The following ARHGAP42 variants were observed in gnomAD, a reference collection of about 807,000 sequenced individuals.
ARHGAP42 encodes the protein rho GTPase-activating protein 42.
Under a neutral mutation model 125.0 loss-of-function variants are expected in ARHGAP42, and 63 were observed. The ratio of observed to expected loss-of-function variants is 0.50; its 90% CI spans 0.41 to 0.62. ARHGAP42 has a LOEUF of 0.62. Among genes scored for constraint, ARHGAP42 ranks in the 20% least tolerant of loss-of-function variants. ARHGAP42 has a pLI of 0.00. For missense variants in ARHGAP42, 766 were observed against 1,024.2 expected (o/e 0.75, Z 3.44); for synonymous variants, 339 against 351.0 (o/e 0.97, Z 0.38).
intron 1 of ARHGAP42, among the ~76,000 whole-genome samples, chr11:100,701,220 C>G (rs2120203820): frequency 6.6e-6 from 1 of 150,998 alleles, no homozygotes; most frequent in Middle Eastern, 3.4e-3. Flanking sequence ...AGTGTACTGT[C>G]ATTCAGGCTT....
intron 3 of ARHGAP42, among the ~76,000 whole-genome samples, chr11:100,819,660 G>A (rs559891021): frequency 1.4e-4 from 22 of 152,166 alleles, no homozygotes; most frequent in African/African-American, 4.3e-4. Context: ...TAATAGCACC[G>A]ATTTAAGGTT....
intron 9 of ARHGAP42, 72 bp downstream of exon 9, chr11:100,941,956 A>G: frequency 8.8e-7 from 1 of 1,138,720 alleles, no homozygotes; most frequent in South Asian, 1.5e-5. Flanking sequence ...AAACAAAAAA[A>G]TCACATTTGT....
chr11:100,815,333 G>A (rs897790734), intron 3 of ARHGAP42, among the ~76,000 whole-genome samples: 11 of 152,102 alleles, frequency 7.2e-5, no homozygotes, highest in Non-Finnish European at 5.9e-5. Flanking sequence ...CATGTTGATA[G>A]TCATTTATGT....
At chr11:100,984,213 G>A (rs1159181270) in intron 22 of ARHGAP42, among the ~76,000 whole-genome samples, 3 of 151,632 alleles carry the variant, frequency 2.0e-5, no homozygotes, top group Non-Finnish European at 4.4e-5. Context: ...GCAATTTAGG[G>A]TTCTTGCCAA....
At chr11:100,801,519 GA>G (rs1199713623) in intron 3 of ARHGAP42, among the ~76,000 whole-genome samples, 2 of 152,160 alleles carry the variant, frequency 1.3e-5, no homozygotes, top group African/African-American at 4.8e-5. Context: ...ACTATTTGCA[GA>G]AAAGAGCCCA....
chr11:100,932,178 C>T (rs746095895), intron 6 of ARHGAP42, among the ~76,000 whole-genome samples: 7 of 152,144 alleles, frequency 4.6e-5, no homozygotes, highest in Non-Finnish European at 7.4e-5. Flanking sequence ...CCAGTTGATG[C>T]TTAGCTGAAT....
At chr11:100,742,583 A>G (rs1221692586) in intron 1 of ARHGAP42, among the ~76,000 whole-genome samples, 1 of 152,202 alleles carries the variant, frequency 6.6e-6, no homozygotes, top group Non-Finnish European at 1.5e-5. Flanking sequence ...CGTGCCAGGC[A>G]TTCTGCTGAT....
At chr11:100,698,313 A>C (rs1210527999) in intron 1 of ARHGAP42, among the ~76,000 whole-genome samples, 1 of 152,122 alleles carries the variant, frequency 6.6e-6, no homozygotes, top group Non-Finnish European at 1.5e-5. Context: ...CCTATAGAAA[A>C]AAAGAAAATT....
chr11:100,903,878 C>A (rs111394852), intron 4 of ARHGAP42, among the ~76,000 whole-genome samples: 3 of 151,350 alleles, frequency 2.0e-5, no homozygotes, highest in African/African-American at 7.3e-5. Flanking sequence ...ACTTGGAATC[C>A]GATGTTCGAG....
chr11:100,959,757 A>G (rs1238695540), intron 12 of ARHGAP42, 126 bp from the exon 13 acceptor site: 2 of 846,082 alleles, frequency 2.4e-6, no homozygotes, highest in Admixed American at 5.0e-5. Context: ...CTCTAACCAA[A>G]ATATTTGGAA....
intron 4 of ARHGAP42, among the ~76,000 whole-genome samples, chr11:100,879,073 G>A (rs895348318): frequency 1.3e-5 from 2 of 150,770 alleles, no homozygotes. Flanking sequence ...AATTAATAAT[G>A]CCTCAAAAAA....
rs1443768397 is a variant in ARHGAP42 at position 100,976,821 on chromosome 11, A to G, written c.2243A>G (p.Lys748Arg). The G allele has an allele frequency of 6.5e-7, 1 of 1,549,986 alleles. No individual in the cohort carries two copies. The highest frequency in any genetic ancestry group is 2.4e-5 in the East Asian group (1 of 40,902). Residue 748 changes from lysine (K) to arginine (R), a missense_variant, in exon 21 of 24, where the codon AAG (lysine) becomes AGG (arginine). Coordinates refer to ENST00000298815, the MANE Select transcript of ARHGAP42 (RefSeq NM_152432.4). ...TCTTGGGCTTTCTTTTTAGGAAACA[A>G]GAGCTACAGTGGATCTATTCAAAGC... is the stretch of plus-strand genomic sequence containing the variant. ...LRSISAAEGN[K>R]SYSGSIQSLT...
intron 4 of ARHGAP42, among the ~76,000 whole-genome samples, chr11:100,866,373 T>C (rs2043578926): frequency 6.6e-6 from 1 of 152,206 alleles, no homozygotes; most frequent in Non-Finnish European, 1.5e-5. Context: ...CAATGGCTTC[T>C]AGAATGTTGA....
At chr11:100,845,001 C>A (rs1390809592) in intron 3 of ARHGAP42, among the ~76,000 whole-genome samples, 1 of 152,044 alleles carries the variant, frequency 6.6e-6, no homozygotes. Context: ...ATGTTCATAG[C>A]AGCACAATTA....
intron 4 of ARHGAP42, among the ~76,000 whole-genome samples, chr11:100,895,820 A>G (rs1866342548): frequency 6.6e-6 from 1 of 151,872 alleles, no homozygotes; most frequent in East Asian, 1.9e-4. Flanking sequence ...AGCTCTGTCA[A>G]ATGGGTGTTC....
At chr11:100,890,206 A>G (rs1471648813) in intron 4 of ARHGAP42, among the ~76,000 whole-genome samples, 1 of 152,100 alleles carries the variant, frequency 6.6e-6, no homozygotes, top group Non-Finnish European at 1.5e-5. Context: ...CTGCCTCTCG[A>G]GATGTCCCTC....
chr11:100,896,035 C>A (rs950997202), intron 4 of ARHGAP42, among the ~76,000 whole-genome samples: 1 of 152,052 alleles, frequency 6.6e-6, no homozygotes, highest in Non-Finnish European at 1.5e-5. Context: ...ATGTACCCTG[C>A]CCTGTGTCCA....
chr11:100,848,662 C>T (rs1865128815), intron 3 of ARHGAP42, among the ~76,000 whole-genome samples: 1 of 152,010 alleles, frequency 6.6e-6, no homozygotes, highest in South Asian at 2.1e-4. Flanking sequence ...CACCACCACA[C>T]CTGGCTATTT....
intron 1 of ARHGAP42, among the ~76,000 whole-genome samples, chr11:100,691,401 T>G (rs1861186980): frequency 6.6e-6 from 1 of 152,190 alleles, no homozygotes; most frequent in Non-Finnish European, 1.5e-5. Flanking sequence ...ACTTTTGAAT[T>G]CAAAGAGTCA....
Sources: gnomAD v4.1 joint callset for allele counts (sites outside exome capture counted in the v4.1 genomes callset) on GRCh38, gnomAD v4.1.1 for gene constraint, MANE v1.5 for transcripts, NCBI Gene and HGNC (gene_info 2026-07-23, HGNC 2026-07-21) for gene names.